The following ASTN2 variants were observed in gnomAD, a reference collection of about 807,000 sequenced individuals.
ASTN2 encodes astrotactin-2.
Under a neutral mutation model 139.8 loss-of-function variants are expected in ASTN2, and 54 were observed. That is an observed-to-expected ratio of 0.39 (90% confidence interval 0.31 to 0.48). The LOEUF is 0.48. Ranked by LOEUF, ASTN2 falls within the 20% of genes least tolerant of loss-of-function variation. ASTN2 has a pLI of 0.95. For missense variants in ASTN2, 1,565 were observed against 1,725.1 expected, an observed-to-expected ratio of 0.91 and a Z score of 1.64; for synonymous variants, 756 against 719.5, an observed-to-expected ratio of 1.05 and a Z score of -0.81.
chr9:116,862,530 T>C (rs1288622473), intron 11 of ASTN2, among the ~76,000 whole-genome samples: 3 of 152,260 alleles, frequency 2.0e-5, no homozygotes, highest in African/African-American at 7.2e-5. Context: ...GGAAAGATGT[T>C]CACTTGTTTG....
At chr9:117,315,456 G>A (rs1828115754) in intron 1 of ASTN2, among the ~76,000 whole-genome samples, 1 of 152,156 alleles carries the variant, frequency 6.6e-6, no homozygotes, top group Admixed American at 6.5e-5. Context: ...TCATGATCAA[G>A]GTAATCCAAC....
intron 12 of ASTN2, among the ~76,000 whole-genome samples, chr9:116,811,038 G>A (rs1831152265): frequency 6.6e-6 from 1 of 152,040 alleles, no homozygotes. Context: ...CTATAGTTAA[G>A]GCACTAGCTC....
At chr9:116,932,498 C>T (rs557987610) in intron 10 of ASTN2, among the ~76,000 whole-genome samples, 1 of 152,260 alleles carries the variant, frequency 6.6e-6, no homozygotes, top group South Asian at 2.1e-4. Flanking sequence ...AGGTTTCCTC[C>T]TTCAGAGGCA....
rs543649167 is a variant in ASTN2 at position 116,462,183 on chromosome 9, C to T, written c.3498-19630G>A. Among the ~76,000 whole-genome samples the T allele has an allele frequency of 2.0e-5, 3 of 152,278 alleles. No individual in the cohort carries two copies. The South Asian group carries it at 6.2e-4, about 32-fold the overall frequency. On this transcript the variant is annotated intron_variant, in intron 20 of 22. Coordinates refer to ENST00000313400, the MANE Select transcript of ASTN2 (RefSeq NM_001365068.1). ...CCCCCATGGGACATTTTTAAAATGTCCTCATATGTAAAACCTTTGAACTGA... is the reference window on the plus strand; with the variant it reads ...CCCCCATGGGACATTTTTAAAATGTTCTCATATGTAAAACCTTTGAACTGA...
At chr9:117,019,472 C>T (rs533516508) in intron 6 of ASTN2, among the ~76,000 whole-genome samples, 9 of 152,190 alleles carry the variant, frequency 5.9e-5, no homozygotes, top group Non-Finnish European at 1.3e-4. Flanking sequence ...ATATTAATAC[C>T]TGGGGCAATG....
intron 2 of ASTN2, among the ~76,000 whole-genome samples, chr9:117,245,431 G>C (rs922242330): frequency 6.6e-6 from 1 of 152,190 alleles, no homozygotes; most frequent in African/African-American, 2.4e-5. Flanking sequence ...GCGGCACAGG[G>C]ACAGGGCTCA....
At chr9:116,578,619 C>CGTGTGTGT (rs71377254) in intron 19 of ASTN2, among the ~76,000 whole-genome samples, 2,010 of 137,626 alleles carry the variant, frequency 0.015, 31 homozygotes, top group East Asian at 0.042. Flanking sequence ...CTGGCTCCAA[C>CGTGTGTGT]GTGTGTGTGT....
intron 22 of ASTN2, chr9:116,437,705 GC>G (rs1847702956): frequency 2.4e-6 from 1 of 415,588 alleles, no homozygotes; most frequent in Admixed American, 2.7e-5. Flanking sequence ...AGGCAAGATG[GC>G]AGCTGAGATG....
At chr9:117,380,463 G>A (rs1036107001) in intron 1 of ASTN2, among the ~76,000 whole-genome samples, 1 of 151,950 alleles carries the variant, frequency 6.6e-6, no homozygotes, top group African/African-American at 2.4e-5. Context: ...AAATTAGCTG[G>A]GGGTGGTGTT....
intron 19 of ASTN2, among the ~76,000 whole-genome samples, chr9:116,580,060 T>C (rs943989363): frequency 6.6e-6 from 1 of 152,202 alleles, no homozygotes; most frequent in Non-Finnish European, 1.5e-5. Flanking sequence ...GACTTCGTGA[T>C]CCACCCACCT....
At chr9:117,190,794 T>A (rs1831324313) in intron 3 of ASTN2, among the ~76,000 whole-genome samples, 1 of 152,150 alleles carries the variant, frequency 6.6e-6, no homozygotes, top group East Asian at 1.9e-4. Context: ...CCTAATTCCC[T>A]CCTTTGTTTT....
intron 11 of ASTN2, among the ~76,000 whole-genome samples, chr9:116,821,773 G>A (rs556478240): frequency 5.4e-4 from 82 of 152,104 alleles, no homozygotes; most frequent in South Asian, 2.5e-3. Flanking sequence ...ACCTTCAATG[G>A]CCTCAGCTAG....
At chr9:116,815,148 C>T (rs1294074734) in intron 12 of ASTN2, among the ~76,000 whole-genome samples, 3 of 152,152 alleles carry the variant, frequency 2.0e-5, no homozygotes, top group African/African-American at 7.2e-5. Flanking sequence ...TACTGATAAT[C>T]AAAATGAAGG....
chr9:116,635,786 G>A (rs1857044931), intron 17 of ASTN2, among the ~76,000 whole-genome samples: 1 of 152,226 alleles, frequency 6.6e-6, no homozygotes, highest in Admixed American at 6.5e-5. Context: ...GATAGTGGAT[G>A]TAGGATCTCT....
intron 3 of ASTN2, among the ~76,000 whole-genome samples, chr9:117,163,413 T>C (rs951648634): frequency 6.6e-6 from 1 of 152,080 alleles, no homozygotes; most frequent in Non-Finnish European, 1.5e-5. Context: ...ATAATACTAC[T>C]CAACAAGTAT....
intron 10 of ASTN2, among the ~76,000 whole-genome samples, chr9:116,954,462 C>G (rs1044668540): frequency 6.6e-6 from 1 of 152,180 alleles, no homozygotes; most frequent in Admixed American, 6.5e-5. Context: ...ACACTTTGAG[C>G]AGCAATGCCC....
intron 3 of ASTN2, among the ~76,000 whole-genome samples, chr9:117,179,296 G>T (rs1206979376): frequency 6.6e-6 from 1 of 151,976 alleles, no homozygotes; most frequent in Non-Finnish European, 1.5e-5. Flanking sequence ...ATGATATGCT[G>T]ATATATACAT....
At chr9:117,291,257 C>T in intron 2 of ASTN2, 69 bp downstream of exon 2, 1 of 1,562,506 alleles carries the variant, frequency 6.4e-7, no homozygotes, top group Non-Finnish European at 8.7e-7. Flanking sequence ...ATCCCCCGCC[C>T]CCTCCATCTC....
At chr9:117,109,708 G>C (rs1340446497) in intron 4 of ASTN2, among the ~76,000 whole-genome samples, 1 of 152,042 alleles carries the variant, frequency 6.6e-6, no homozygotes, top group East Asian at 1.9e-4. Flanking sequence ...CATCCAATAG[G>C]ACAACTATTT....
Sources: allele counts gnomAD v4.1 joint callset (sites outside exome capture counted in the v4.1 genomes callset), GRCh38; gene constraint gnomAD v4.1.1; transcripts MANE v1.5; gene names NCBI Gene and HGNC (gene_info 2026-07-23, HGNC 2026-07-21).